The following EPHA3 variants were observed in gnomAD, a reference collection of about 807,000 sequenced individuals.
EPHA3 encodes the protein ephrin type-A receptor 3.
In EPHA3, 42 loss-of-function variants were observed where a neutral mutation model predicts 107.1. That is an observed-to-expected ratio of 0.39 (90% CI 0.31 to 0.51). The LOEUF is 0.51. Ranked by LOEUF, EPHA3 falls within the 20% of genes least tolerant of loss-of-function variation. EPHA3 has a pLI of 0.78. For missense variants in EPHA3, 1,183 were observed against 1,211.2 expected (o/e 0.98, Z 0.35); for synonymous variants, 461 against 424.8 (o/e 1.09, Z -1.05).
intron 13 of EPHA3, among the ~76,000 whole-genome samples, chr3:89,435,083 A>G (rs1709640110): frequency 6.6e-6 from 1 of 152,102 alleles, no homozygotes; most frequent in Non-Finnish European, 1.5e-5. Context: ...GAAGACTTCA[A>G]TTTTTTAAAA....
intron 2 of EPHA3, among the ~76,000 whole-genome samples, chr3:89,195,840 G>T (rs1705826029): frequency 6.6e-6 from 1 of 152,074 alleles, no homozygotes; most frequent in Non-Finnish European, 1.5e-5. Context: ...AAATCTAATT[G>T]TTGCTTAAAT....
chr3:89,434,410 G>T (rs1226967509), intron 13 of EPHA3, among the ~76,000 whole-genome samples: 3 of 152,038 alleles, frequency 2.0e-5, no homozygotes, highest in Non-Finnish European at 2.9e-5. Context: ...TACAGACGGG[G>T]TTACTCCATG....
At chr3:89,146,847 T>C (rs1482249317) in intron 2 of EPHA3, among the ~76,000 whole-genome samples, 1 of 151,886 alleles carries the variant, frequency 6.6e-6, no homozygotes, top group Non-Finnish European at 1.5e-5. Context: ...GCCTAGTTTC[T>C]GTTTTATGCA....
intron 3 of EPHA3, among the ~76,000 whole-genome samples, chr3:89,321,500 TC>T (rs1207877696): frequency 6.6e-6 from 1 of 152,104 alleles, no homozygotes; most frequent in East Asian, 1.9e-4. Context: ...GTACAGCACT[TC>T]CTTTAAATGT....
chr3:89,268,046 C>T (rs769575351), intron 3 of EPHA3, among the ~76,000 whole-genome samples: 6 of 152,034 alleles, frequency 3.9e-5, no homozygotes, highest in Non-Finnish European at 7.4e-5. Context: ...CAAAAGATAA[C>T]GTGCAGTTCC....
intron 3 of EPHA3, among the ~76,000 whole-genome samples, chr3:89,249,793 C>G (rs987559697): frequency 1.3e-5 from 2 of 152,110 alleles, no homozygotes; most frequent in African/African-American, 2.4e-5. Flanking sequence ...TTTGCTGTTT[C>G]TATATCTCAG....
chr3:89,220,421 AAAG>A (rs1704345187), intron 3 of EPHA3, among the ~76,000 whole-genome samples: 1 of 152,080 alleles, frequency 6.6e-6, no homozygotes, highest in Non-Finnish European at 1.5e-5. Flanking sequence ...TTTCTGGGAG[AAAG>A]AAGAAAGATT....
Position 89,360,711 on chromosome 3 carries a change from C to A in EPHA3, c.1306+18621C>A, listed in dbSNP as rs1339793594. Among the ~76,000 whole-genome samples the A allele has an allele frequency of 2.0e-5, 3 of 151,018 alleles. No homozygotes were observed. In the East Asian group the frequency reaches 5.8e-4, roughly 29 times the overall value. ...CCCTTGCCTTGAGAACACATGGACA[C>A]AGGGAGGGGAACATGAAAAACAAGC... On this transcript the variant is annotated intron_variant, in intron 5 of 16. Transcript: ENST00000336596.
intron 2 of EPHA3, among the ~76,000 whole-genome samples, chr3:89,171,447 A>T (rs1234311898): frequency 6.6e-6 from 1 of 152,192 alleles, no homozygotes; most frequent in Non-Finnish European, 1.5e-5. Flanking sequence ...TGGATATAAT[A>T]GGTGTTTTTC....
At chr3:89,400,869 G>A (rs1232363473) in intron 7 of EPHA3, among the ~76,000 whole-genome samples, 1 of 151,928 alleles carries the variant, frequency 6.6e-6, no homozygotes, top group South Asian at 2.1e-4. Flanking sequence ...CTGTTGTAAG[G>A]TAGCCTAGAA....
chr3:89,320,829 T>A (rs1190725810), intron 3 of EPHA3, among the ~76,000 whole-genome samples: 1 of 152,044 alleles, frequency 6.6e-6, no homozygotes, highest in Non-Finnish European at 1.5e-5. Flanking sequence ...ATTCATGTGA[T>A]GAGTATGTAA....
intron 3 of EPHA3, among the ~76,000 whole-genome samples, chr3:89,329,609 C>T (rs983819321): frequency 6.6e-6 from 1 of 151,926 alleles, no homozygotes; most frequent in Non-Finnish European, 1.5e-5. Flanking sequence ...TGCAATTCAT[C>T]TTCCAAGTTG....
chr3:89,178,865 C>A (rs1433037431), intron 2 of EPHA3, among the ~76,000 whole-genome samples: 1 of 151,512 alleles, frequency 6.6e-6, no homozygotes, highest in Admixed American at 6.6e-5. Context: ...TGAGAATAAC[C>A]TTTTCTATGT....
At chr3:89,351,984 A>C (rs1707834269) in intron 5 of EPHA3, among the ~76,000 whole-genome samples, 1 of 150,864 alleles carries the variant, frequency 6.6e-6, no homozygotes, top group Non-Finnish European at 1.5e-5. Context: ...AGGACTTTCC[A>C]GGTGCTGGAT....
intron 7 of EPHA3, among the ~76,000 whole-genome samples, chr3:89,405,801 A>C (rs1179652651): frequency 6.6e-6 from 1 of 152,154 alleles, no homozygotes; most frequent in East Asian, 1.9e-4. Flanking sequence ...TAAGAGCATA[A>C]AAGAGGCTGT....
intron 3 of EPHA3, among the ~76,000 whole-genome samples, chr3:89,298,910 A>G (rs1380322254): frequency 6.6e-6 from 1 of 152,102 alleles, no homozygotes; most frequent in Non-Finnish European, 1.5e-5. Context: ...GGTCTCTACT[A>G]TCATCATGAA....
chr3:89,286,194 G>T (rs1253126060), intron 3 of EPHA3, among the ~76,000 whole-genome samples: 7 of 150,686 alleles, frequency 4.6e-5, no homozygotes, highest in African/African-American at 1.7e-4. Flanking sequence ...GGACCCTTGG[G>T]CTGGTTCCAT....
intron 3 of EPHA3, among the ~76,000 whole-genome samples, chr3:89,216,417 C>A (rs902196475): frequency 6.6e-6 from 1 of 150,808 alleles, no homozygotes; most frequent in African/African-American, 2.5e-5. Context: ...ATCTAAACTT[C>A]TTTTTTCTGT....
chr3:89,449,373 A>T lies in EPHA3; in HGVS notation c.2495A>T (p.Asp832Val), dbSNP rs1709942954. The T allele has an allele frequency of 6.3e-7, 1 of 1,586,150 alleles. No individual in the cohort carries two copies. Among genetic ancestry groups the T allele is most frequent in the African/African-American group, 1.3e-5 (1 of 74,542 alleles). ...ERPYWEMSNQ[D>V]VIKAVDEGYR... Reference sequence around the variant, plus strand: ...CCATACTGGGAGATGTCCAATCAGGATGTAAGTATTTGTGGTCTATGAGTT... The same window carrying T: ...CCATACTGGGAGATGTCCAATCAGGTTGTAAGTATTTGTGGTCTATGAGTT... Residue 832 changes from aspartate (D) to valine (V), a missense_variant and splice_region_variant, in exon 14 of 17, where the codon GAT (aspartate) becomes GTT (valine). Coordinates refer to ENST00000336596, the MANE Select transcript of EPHA3 (RefSeq NM_005233.6).
Sources: gnomAD v4.1 joint callset for allele counts (sites outside exome capture counted in the v4.1 genomes callset) on GRCh38, gnomAD v4.1.1 for gene constraint, MANE v1.5 for transcripts, NCBI Gene and HGNC (gene_info 2026-07-23, HGNC 2026-07-21) for gene names.